Variants in RNLS observed in about 807,000 individuals in gnomAD.
The protein encoded by RNLS is renalase, FAD dependent amine oxidase.
Under a neutral mutation model 39.8 loss-of-function variants are expected in RNLS, and 39 were observed. That is an observed-to-expected ratio of 0.98 (90% confidence interval 0.76 to 1.28). The LOEUF is 1.28. RNLS is among the 50% of genes most tolerant of loss of function. The pLI is 0.00. For synonymous variants in RNLS, 147 were observed against 150.7 expected (o/e 0.98, Z 0.18); for missense variants, 410 against 413.3 (o/e 0.99, Z 0.07).
chr10:88,330,540 T>C (rs1270170139), intron 5 of RNLS, among the ~76,000 whole-genome samples: 1 of 152,094 alleles, frequency 6.6e-6, no homozygotes, highest in East Asian at 1.9e-4. Flanking sequence ...CTAAAATTCT[T>C]AGTAACACCA....
chr10:88,425,461 G>T (rs1854690142), intron 4 of RNLS, among the ~76,000 whole-genome samples: 1 of 152,056 alleles, frequency 6.6e-6, no homozygotes, highest in South Asian at 2.1e-4. Context: ...ATGTGTTTCT[G>T]TACAATGAAT....
rs556349456 is a variant in RNLS at position 88,347,541 on chromosome 10, C to T, written c.700+15011G>A. Reference sequence around the variant, plus strand: ...AGGAACCAACCTAAAGAAACCATAACGTTCCTATCTAAGTTCATCCTAGAT... The same window carrying T: ...AGGAACCAACCTAAAGAAACCATAATGTTCCTATCTAAGTTCATCCTAGAT... On this transcript the variant is annotated intron_variant, in intron 5 of 6. Transcript: ENST00000331772. Among the ~76,000 whole-genome samples, 8 of 152,160 alleles carry T rather than the reference C, an allele frequency of 5.3e-5. No individual in the cohort carries two copies. In the South Asian group the frequency reaches 1.2e-3, roughly 24 times the overall value.
chr10:88,465,573 G>A (rs1353145911), intron 4 of RNLS, among the ~76,000 whole-genome samples: 1 of 152,020 alleles, frequency 6.6e-6, no homozygotes, highest in East Asian at 1.9e-4. Flanking sequence ...GGATGGTCAG[G>A]CATTATTCCC....
the RNLS span, among the ~76,000 whole-genome samples, chr10:88,203,262 GTGTA>G: frequency 5.7e-5 from 1 of 17,494 alleles, no homozygotes; most frequent in African/African-American, 3.3e-4. Flanking sequence ...GTGTGTGTGT[GTGTA>G]TGTATATATA....
At chr10:88,411,630 C>A (rs1853662770) in intron 4 of RNLS, among the ~76,000 whole-genome samples, 2 of 152,002 alleles carry the variant, frequency 1.3e-5, no homozygotes, top group East Asian at 3.9e-4. Flanking sequence ...AGGTTTCAGG[C>A]TCTATGAAAA....
At chr10:88,359,490 C>T (rs538904238) in intron 5 of RNLS, among the ~76,000 whole-genome samples, 13 of 152,276 alleles carry the variant, frequency 8.5e-5, no homozygotes, top group African/African-American at 2.2e-4. Context: ...TTAGATTTTA[C>T]GTTATGAAAT....
chr10:88,307,557 A>G (rs1399695992), intron 6 of RNLS, among the ~76,000 whole-genome samples: 2 of 152,220 alleles, frequency 1.3e-5, no homozygotes, highest in East Asian at 3.8e-4. Context: ...GGGCCAAATC[A>G]GGAATGCAAT....
At chr10:88,436,929 C>T (rs1236498737) in intron 4 of RNLS, among the ~76,000 whole-genome samples, 1 of 152,108 alleles carries the variant, frequency 6.6e-6, no homozygotes, top group Non-Finnish European at 1.5e-5. Flanking sequence ...TTTGTAATTT[C>T]AAGACCAAAA....
At chr10:88,332,720 A>G (rs184072952) in intron 5 of RNLS, among the ~76,000 whole-genome samples, 4 of 152,310 alleles carry the variant, frequency 2.6e-5, no homozygotes, top group African/African-American at 4.8e-5. Flanking sequence ...CAGGTTAACT[A>G]TCTATTTTAA....
At chr10:88,372,666 G>C (rs1358732171) in intron 4 of RNLS, among the ~76,000 whole-genome samples, 1 of 152,138 alleles carries the variant, frequency 6.6e-6, no homozygotes, top group Non-Finnish European at 1.5e-5. Context: ...GGCCTACTAT[G>C]CATCCAGCAC....
the RNLS span, among the ~76,000 whole-genome samples, chr10:88,246,001 G>A: frequency 3.3e-5 from 5 of 152,254 alleles, no homozygotes; most frequent in East Asian, 1.9e-4. Context: ...ATCTCCTGCC[G>A]ACTTTGTTTT....
intron 4 of RNLS, among the ~76,000 whole-genome samples, chr10:88,391,553 T>C (rs1225775517): frequency 6.6e-6 from 1 of 152,166 alleles, no homozygotes; most frequent in Non-Finnish European, 1.5e-5. Flanking sequence ...CGAGACTCCG[T>C]CTAAAAAACA....
chr10:88,254,898 A>G, the RNLS span, among the ~76,000 whole-genome samples: 1 of 152,254 alleles, frequency 6.6e-6, no homozygotes, highest in Non-Finnish European at 1.5e-5. Context: ...TGGGATGAAT[A>G]GAGGGAAGAA....
chr10:88,492,418 TTTC>T (rs2134070451), intron 4 of RNLS, among the ~76,000 whole-genome samples: 1 of 78,086 alleles, frequency 1.3e-5, no homozygotes, highest in South Asian at 7.6e-4. Flanking sequence ...TTTTTTTCTT[TTTC>T]TTTTTTTTTT....
intron 4 of RNLS, among the ~76,000 whole-genome samples, chr10:88,483,063 G>A (rs1340114256): frequency 1.3e-5 from 2 of 151,966 alleles, no homozygotes; most frequent in Non-Finnish European, 2.9e-5. Flanking sequence ...GATTCCTACA[G>A]GTTACCCTTC....
chr10:88,233,091 C>T, the RNLS span, among the ~76,000 whole-genome samples: 10 of 152,268 alleles, frequency 6.6e-5, no homozygotes, highest in East Asian at 1.5e-3. Context: ...TCAGGTCTGC[C>T]TGCGTCTAAA....
the RNLS span, among the ~76,000 whole-genome samples, chr10:88,225,663 A>C: frequency 6.6e-6 from 1 of 152,060 alleles, no homozygotes; most frequent in East Asian, 1.9e-4. Context: ...GCAGTGAGCT[A>C]TGATCAAACA....
At chr10:88,399,331 C>T (rs1353420620) in intron 4 of RNLS, among the ~76,000 whole-genome samples, 4 of 151,856 alleles carry the variant, frequency 2.6e-5, no homozygotes, top group African/African-American at 9.7e-5. Context: ...CATGAATGTT[C>T]GTAAAATTTT....
chr10:88,325,416 A>T (rs1170146916), intron 5 of RNLS, among the ~76,000 whole-genome samples: 2 of 152,204 alleles, frequency 1.3e-5, no homozygotes, highest in Admixed American at 6.5e-5. Flanking sequence ...GAATGTTGAT[A>T]AAAACAGCAG....
Sources: allele counts gnomAD v4.1 joint callset (sites outside exome capture counted in the v4.1 genomes callset), GRCh38; gene constraint gnomAD v4.1.1; transcripts MANE v1.5; gene names NCBI Gene and HGNC (gene_info 2026-07-23, HGNC 2026-07-21).